PBX1: variants seen among roughly 807,000 people sequenced by gnomAD.
The protein encoded by PBX1 is pre-B-cell leukemia transcription factor 1.
Under a neutral mutation model 53.4 loss-of-function variants are expected in PBX1, and 6 were observed. The observed-to-expected ratio is 0.11, with a 90% CI of 0.06 to 0.22. The LOEUF is 0.22. Ranked by LOEUF, PBX1 falls within the 10% of genes least tolerant of loss-of-function variation. The probability of loss-of-function intolerance (pLI) is 1.00; values close to 1 mark genes in which losing one functional copy is unlikely to be tolerated. For missense variants in PBX1, 251 were observed against 551.4 expected (o/e 0.46, Z 5.46); for synonymous variants, 204 against 212.3 (o/e 0.96, Z 0.34).
intron 2 of PBX1, among the ~76,000 whole-genome samples, chr1:164,582,950 C>G (rs1418757294): frequency 1.3e-5 from 2 of 152,106 alleles, no homozygotes; most frequent in African/African-American, 2.4e-5. Flanking sequence ...AGTACATATT[C>G]AGTTAATATA....
chr1:164,709,991 C>A (rs866081007), intron 2 of PBX1, among the ~76,000 whole-genome samples: 1 of 152,146 alleles, frequency 6.6e-6, no homozygotes, highest in Non-Finnish European at 1.5e-5. Flanking sequence ...GGTGTGAGGC[C>A]CAGGAGTCCC....
At chr1:164,689,023 A>G (rs1662294727) in intron 2 of PBX1, among the ~76,000 whole-genome samples, 1 of 152,224 alleles carries the variant, frequency 6.6e-6, no homozygotes. Flanking sequence ...GGCCACGCAG[A>G]GAGGCAACGA....
intron 2 of PBX1, among the ~76,000 whole-genome samples, chr1:164,756,358 TA>T (rs1666522600): frequency 6.6e-6 from 1 of 152,198 alleles, no homozygotes; most frequent in Non-Finnish European, 1.5e-5. Context: ...CCTTAATTTT[TA>T]AAAAGCATCC....
At chr1:164,885,995 C>G (rs1393676697) in intron 2 of PBX1, among the ~76,000 whole-genome samples, 2 of 151,404 alleles carry the variant, frequency 1.3e-5, no homozygotes, top group African/African-American at 2.5e-5. Context: ...CTGCTGTATC[C>G]CCAGTTTCTA....
In PBX1 at chr1:164,793,513, G is replaced by A. The variant is rs182552341; in HGVS notation, c.510+775G>A. ...GACCATAAAACTTATATAAAGGAAA[G>A]GGCAAGAAAGGCTGTTAACTACAAA... On this transcript the variant is annotated intron_variant, in intron 3 of 8. Transcript: ENST00000420696. Among the ~76,000 whole-genome samples, 37 of 152,256 alleles carry A rather than the reference G, an allele frequency of 2.4e-4. 1 individual carries two copies. In the East Asian group the frequency reaches 4.6e-3, roughly 19 times the overall value.
chr1:164,707,884 A>C (rs1219784526), intron 2 of PBX1, among the ~76,000 whole-genome samples: 1 of 152,226 alleles, frequency 6.6e-6, no homozygotes, highest in Non-Finnish European at 1.5e-5. Flanking sequence ...CGATTGCGCT[A>C]TCTTGATTAG....
chr1:164,657,706 G>A (rs1191696423), intron 2 of PBX1, among the ~76,000 whole-genome samples: 1 of 152,170 alleles, frequency 6.6e-6, no homozygotes, highest in Non-Finnish European at 1.5e-5. Flanking sequence ...GTTTTCTCAA[G>A]TAGAAAGAAG....
chr1:164,860,204 A>T (rs1383939987), intron 2 of PBX1, among the ~76,000 whole-genome samples: 1 of 152,156 alleles, frequency 6.6e-6, no homozygotes, highest in Non-Finnish European at 1.5e-5. Flanking sequence ...TAGCTACTCC[A>T]CCTTCCCCCA....
chr1:164,858,719 G>T (rs1390843005), intron 2 of PBX1, among the ~76,000 whole-genome samples: 1 of 152,150 alleles, frequency 6.6e-6, no homozygotes, highest in Non-Finnish European at 1.5e-5. Context: ...CACTGGAAGG[G>T]ATATTCAGGC....
intron 1 of PBX1, among the ~76,000 whole-genome samples, chr1:164,561,714 A>T (rs1261050828): frequency 6.6e-6 from 1 of 152,112 alleles, no homozygotes; most frequent in East Asian, 1.9e-4. Context: ...GGGCTTGGCG[A>T]CTTCCCCCTT....
chr1:164,653,788 AG>A (rs1281766992), intron 2 of PBX1, among the ~76,000 whole-genome samples: 1 of 152,088 alleles, frequency 6.6e-6, no homozygotes, highest in Non-Finnish European at 1.5e-5. Flanking sequence ...GGCAGACAAA[AG>A]CCTGTCATGG....
At chr1:164,653,916 G>A (rs1033157438) in intron 2 of PBX1, among the ~76,000 whole-genome samples, 1 of 152,158 alleles carries the variant, frequency 6.6e-6, no homozygotes, top group Non-Finnish European at 1.5e-5. Context: ...ATAACAATAG[G>A]TGTGACAATA....
At position 164,847,195 on chromosome 1, in the gene PBX1, G is replaced by T; in HGVS notation, c.*519G>T. The T allele has an allele frequency of 9.3e-7, 1 of 1,078,158 alleles. No individual in the cohort carries two copies. Among genetic ancestry groups the T allele is most frequent in the Non-Finnish European group, 1.1e-6 (1 of 885,754 alleles). The allele number at this position is 1,078,158 out of a possible 1,614,324, so 66.8% of individuals were successfully genotyped here. On this transcript the variant is annotated 3_prime_UTR_variant, in exon 9 of 9. Coordinates refer to ENST00000420696, the MANE Select transcript of PBX1 (RefSeq NM_002585.4). Reference sequence around the variant, plus strand: ...CCTCTTAGCAGGAATACTCCACATTGCCCTATTCATTCCAGGCCTCCCTGC... The same window carrying T: ...CCTCTTAGCAGGAATACTCCACATTTCCCTATTCATTCCAGGCCTCCCTGC...
At chr1:164,640,558 G>GTTTTTTTTTTTT (rs1377884988) in intron 2 of PBX1, among the ~76,000 whole-genome samples, 6 of 41,362 alleles carry the variant, frequency 1.5e-4, no homozygotes, top group Non-Finnish European at 2.9e-4. Context: ...TTTTTTTTGT[G>GTTTTTTTTTTTT]TTTTTTTTTT....
intron 2 of PBX1, among the ~76,000 whole-genome samples, chr1:164,636,736 G>C (rs529725498): frequency 1.3e-5 from 2 of 152,112 alleles, no homozygotes; most frequent in Non-Finnish European, 2.9e-5. Flanking sequence ...TGTAACACTG[G>C]AGCCCTTGGC....
At chr1:164,884,423 C>T (rs942486113) in intron 2 of PBX1, 74 of 310,096 alleles carry the variant, frequency 2.4e-4, no homozygotes, top group Admixed American at 1.2e-4. Flanking sequence ...AGAGGGTGGG[C>T]GAAAGAAATA....
At chr1:164,591,762 C>T (rs958310316) in intron 2 of PBX1, among the ~76,000 whole-genome samples, 1 of 152,158 alleles carries the variant, frequency 6.6e-6, no homozygotes, top group Non-Finnish European at 1.5e-5. Flanking sequence ...GTTTTCCTAT[C>T]CTACAAGTAG....
chr1:164,839,211 A>C (rs2102406346), intron 8 of PBX1, among the ~76,000 whole-genome samples: 1 of 152,300 alleles, frequency 6.6e-6, no homozygotes. Flanking sequence ...ACTTATTGCC[A>C]TCTAGAATCT....
At chr1:164,639,880 T>A (rs887115847) in intron 2 of PBX1, among the ~76,000 whole-genome samples, 2 of 151,968 alleles carry the variant, frequency 1.3e-5, no homozygotes, top group African/African-American at 2.4e-5. Context: ...CCTAGGCTAG[T>A]CTCAAATTCC....
Sources: gnomAD v4.1 joint callset for allele counts (sites outside exome capture counted in the v4.1 genomes callset) on GRCh38, gnomAD v4.1.1 for gene constraint, MANE v1.5 for transcripts, NCBI Gene and HGNC (gene_info 2026-07-23, HGNC 2026-07-21) for gene names.